Variants in PTPRN2 observed in about 807,000 individuals in gnomAD.
PTPRN2 encodes the protein protein tyrosine phosphatase receptor type N2, also known as receptor-type tyrosine-protein phosphatase N2.
A neutral mutation model predicts 118.8 loss-of-function variants in PTPRN2; 74 were observed. The observed-to-expected ratio is 0.62, with a 90% CI of 0.52 to 0.76. The LOEUF (loss-of-function observed/expected upper bound fraction) is 0.76, where lower values mean the gene tolerates loss of function less well. Ranked by LOEUF, PTPRN2 falls within the 30% of genes least tolerant of loss-of-function variation. The probability of loss-of-function intolerance (pLI) is 0.00; values close to 1 mark genes in which losing one functional copy is unlikely to be tolerated. For synonymous variants in PTPRN2, 641 were observed against 608.0 expected (o/e 1.05, Z -0.80); for missense variants, 1,481 against 1,394.4 (o/e 1.06, Z -0.99).
intron 11 of PTPRN2, among the ~76,000 whole-genome samples, chr7:158,039,149 T>C (rs1808282107): frequency 2.6e-5 from 4 of 152,178 alleles, no homozygotes; most frequent in Non-Finnish European, 5.9e-5. Context: ...CATGCCATAG[T>C]TACATATAAA....
At chr7:158,045,045 G>A (rs1396268195) in intron 11 of PTPRN2, among the ~76,000 whole-genome samples, 1 of 152,194 alleles carries the variant, frequency 6.6e-6, no homozygotes, top group Admixed American at 6.5e-5. Context: ...AAAATATGGT[G>A]CTATCCACTT....
intron 13 of PTPRN2, among the ~76,000 whole-genome samples, chr7:157,662,015 AC>A (rs1684790461): frequency 6.6e-6 from 1 of 152,134 alleles, no homozygotes; most frequent in African/African-American, 2.4e-5. Context: ...GCAAAAACAG[AC>A]CTAACTTTGG....
intron 11 of PTPRN2, among the ~76,000 whole-genome samples, chr7:158,005,638 G>A (rs985473858): frequency 6.6e-6 from 1 of 152,212 alleles, no homozygotes; most frequent in Non-Finnish European, 1.5e-5. Flanking sequence ...GGGTGCAGGG[G>A]GAGGTGCAGG....
chr7:158,146,566 A>G (rs1820042458), intron 6 of PTPRN2, among the ~76,000 whole-genome samples: 1 of 151,584 alleles, frequency 6.6e-6, no homozygotes, highest in Non-Finnish European at 1.5e-5. Context: ...CTAAAAATAC[A>G]AAAAATTAGC....
intron 2 of PTPRN2, among the ~76,000 whole-genome samples, chr7:158,346,077 A>C (rs1279348449): frequency 6.6e-6 from 1 of 152,268 alleles, no homozygotes; most frequent in African/African-American, 2.4e-5. Context: ...AGGCAATGCT[A>C]TGATTTATGA....
intron 2 of PTPRN2, among the ~76,000 whole-genome samples, chr7:158,330,288 C>A (rs865985101): frequency 5.4e-5 from 7 of 129,796 alleles, no homozygotes; most frequent in East Asian, 2.4e-4. Context: ...CACTCACACC[C>A]ACACTCTCAC....
chr7:158,071,628 GTGGTGGTGGAGATGC>G (rs1811745521), intron 11 of PTPRN2, among the ~76,000 whole-genome samples: 1 of 119,232 alleles, frequency 8.4e-6, no homozygotes, highest in African/African-American at 3.2e-5. Context: ...GGAGGTGCTC[GTGGTGGTGGAGATGC>G]TCGTGGTGAT....
At chr7:158,327,473 TCACA>T (rs1254009407) in intron 2 of PTPRN2, among the ~76,000 whole-genome samples, 6 of 132,570 alleles carry the variant, frequency 4.5e-5, no homozygotes, top group Non-Finnish European at 8.7e-5. Context: ...GTACACGTTC[TCACA>T]CATACATTCT....
chr7:158,014,726 C>T (rs917545605), intron 11 of PTPRN2, among the ~76,000 whole-genome samples: 4 of 151,964 alleles, frequency 2.6e-5, no homozygotes, highest in South Asian at 2.1e-4. Flanking sequence ...TCCACCCATC[C>T]GGCCAGCCAG....
At position 158,574,983 on chromosome 7, in the gene PTPRN2, G is replaced by C. The variant is rs905697866; in HGVS notation, c.112+12575C>G. Among the ~76,000 whole-genome samples, 1 of 152,188 alleles carries C rather than the reference G, an allele frequency of 6.6e-6. No individual in the cohort carries two copies. The highest frequency in any genetic ancestry group is 2.4e-5 in the African/African-American group (1 of 41,434). On this transcript the variant is annotated intron_variant, in intron 1 of 22. Coordinates refer to ENST00000389418, the MANE Select transcript of PTPRN2 (RefSeq NM_002847.5). This position sits in a 1 kb window ranked among gnomAD's most constrained non-coding sequence, Gnocchi z 4.6. The stretch of plus-strand genomic sequence containing the variant: ...CTCCTTCAGGCTGCAAATTAAAACA[G>C]ACTTCCATCCTTTCTTCAAAGGACA...
intron 1 of PTPRN2, among the ~76,000 whole-genome samples, chr7:158,561,106 A>G (rs1827353930): frequency 6.6e-6 from 1 of 152,228 alleles, no homozygotes; most frequent in Admixed American, 6.5e-5. Context: ...CTTGATCTTG[A>G]TGAATACTTG....
At chr7:158,064,622 C>T (rs945955109) in intron 11 of PTPRN2, among the ~76,000 whole-genome samples, 5 of 152,200 alleles carry the variant, frequency 3.3e-5, no homozygotes, top group Non-Finnish European at 5.9e-5. Context: ...TCCTTCCTCC[C>T]CAGATGCTCC....
intron 1 of PTPRN2, among the ~76,000 whole-genome samples, chr7:158,521,128 G>A (rs755399562): frequency 7.2e-5 from 11 of 152,230 alleles, no homozygotes; most frequent in Middle Eastern, 3.2e-3. Context: ...TGCTGTCTGC[G>A]TAGTCATACT....
intron 11 of PTPRN2, among the ~76,000 whole-genome samples, chr7:157,988,720 C>T (rs1563303789): frequency 6.6e-6 from 1 of 152,188 alleles, no homozygotes; most frequent in East Asian, 1.9e-4. Context: ...CATGCACGTC[C>T]ACACTTTCTA....
chr7:158,447,072 C>G (rs1411225491), intron 2 of PTPRN2, among the ~76,000 whole-genome samples: 1 of 152,180 alleles, frequency 6.6e-6, no homozygotes, highest in Non-Finnish European at 1.5e-5. Context: ...CCAGGCAGGA[C>G]CAGGATGGCC....
At chr7:158,141,467 T>A (rs137957023) in intron 6 of PTPRN2, among the ~76,000 whole-genome samples, 158 of 152,302 alleles carry the variant, frequency 1.0e-3, no homozygotes, top group African/African-American at 1.6e-3. Context: ...CAGGAGTCAG[T>A]GTCTGGGGCC....
chr7:157,656,595 G>T, intron 13 of PTPRN2, 44 bp from the exon 14 acceptor site: 1 of 1,466,260 alleles, frequency 6.8e-7, no homozygotes, highest in Admixed American at 2.0e-5. Context: ...GTGGCATTGG[G>T]GACACCCAGC....
At chr7:158,211,571 T>C (rs1171874023) in intron 3 of PTPRN2, among the ~76,000 whole-genome samples, 2 of 152,170 alleles carry the variant, frequency 1.3e-5, no homozygotes, top group Admixed American at 1.3e-4. Flanking sequence ...TGAATAGACA[T>C]TTCTCAAAAA....
chr7:158,455,114 C>T (rs1818370327), intron 2 of PTPRN2, among the ~76,000 whole-genome samples: 1 of 152,284 alleles, frequency 6.6e-6, no homozygotes, highest in Admixed American at 6.5e-5. Context: ...AACACCACAC[C>T]TCCAGGCAGC....
Sources: allele counts gnomAD v4.1 joint callset (sites outside exome capture counted in the v4.1 genomes callset), GRCh38; gene constraint gnomAD v4.1.1; non-coding constraint Gnocchi (gnomAD v3.1); transcripts MANE v1.5; gene names NCBI Gene and HGNC (gene_info 2026-07-23, HGNC 2026-07-21).